Variants in GRM5 observed in about 807,000 individuals in gnomAD.
GRM5 encodes the protein glutamate metabotropic receptor 5.
In GRM5, 19 loss-of-function variants were observed where a neutral mutation model predicts 83.1. The ratio of observed to expected loss-of-function variants is 0.23; its 90% CI spans 0.16 to 0.34. The LOEUF (loss-of-function observed/expected upper bound fraction) is 0.34, where lower values mean the gene tolerates loss of function less well. Among genes scored for constraint, GRM5 ranks in the 10% least tolerant of loss-of-function variants. GRM5 has a pLI of 1.00. For missense variants in GRM5, 1,160 were observed against 1,588.3 expected, an observed-to-expected ratio of 0.73 and a Z score of 4.58; for synonymous variants, 675 against 633.6, an observed-to-expected ratio of 1.07 and a Z score of -0.98.
intron 9 of GRM5, among the ~76,000 whole-genome samples, chr11:88,512,690 A>G (rs2135081442): frequency 6.6e-6 from 1 of 152,350 alleles, no homozygotes; most frequent in East Asian, 1.9e-4. Context: ...AAGCCTCGGT[A>G]AGAAGCAGAC....
rs369281807 is a variant in GRM5 at position 88,547,715 on chromosome 11, G to T, written c.2630+19338C>A. On this transcript the variant is annotated intron_variant, in intron 8 of 9. Coordinates refer to ENST00000305447, the MANE Select transcript of GRM5 (RefSeq NM_001143831.3). ...ATAGTATGAAGAGCACAAGGAGTAG[G>T]CTGGCAGTCATGGGTTCACATCAGC... Among the ~76,000 whole-genome samples, 27 of 152,214 alleles carry T rather than the reference G, an allele frequency of 1.8e-4. No homozygotes were observed. In the East Asian group the frequency reaches 3.7e-3, roughly 21 times the overall value.
chr11:88,775,896 C>G (rs1012235347), intron 3 of GRM5, among the ~76,000 whole-genome samples: 1 of 106,182 alleles, frequency 9.4e-6, no homozygotes, highest in Non-Finnish European at 2.9e-5. Flanking sequence ...CAATGTGTTG[C>G]TGAGAAGACT....
intron 2 of GRM5, among the ~76,000 whole-genome samples, chr11:88,990,490 G>A (rs943099246): frequency 6.6e-6 from 1 of 151,438 alleles, no homozygotes; most frequent in African/African-American, 2.4e-5. Flanking sequence ...GAAAAAGAGG[G>A]AATCCTCCCT....
intron 2 of GRM5, among the ~76,000 whole-genome samples, chr11:88,980,509 G>C (rs1324471999): frequency 6.6e-6 from 1 of 152,064 alleles, no homozygotes; most frequent in Non-Finnish European, 1.5e-5. Flanking sequence ...ATTTTTTCTA[G>C]TAGTTTTTCC....
At chr11:88,524,464 C>T (rs988202757) in intron 9 of GRM5, among the ~76,000 whole-genome samples, 4 of 152,126 alleles carry the variant, frequency 2.6e-5, no homozygotes, top group Non-Finnish European at 2.9e-5. Context: ...CTGATCCACC[C>T]GCCTTGGCCT....
chr11:88,868,279 C>T (rs1944705120), intron 2 of GRM5, among the ~76,000 whole-genome samples: 1 of 151,818 alleles, frequency 6.6e-6, no homozygotes, highest in South Asian at 2.1e-4. Context: ...GAAATTTGAA[C>T]TTCACTTGAA....
intron 8 of GRM5, among the ~76,000 whole-genome samples, chr11:88,533,978 C>G (rs1942076778): frequency 6.6e-6 from 1 of 152,136 alleles, no homozygotes. Context: ...ATGCAAGCCC[C>G]AGGTCTTGGC....
At chr11:88,784,757 TC>T (rs1348328067) in intron 3 of GRM5, among the ~76,000 whole-genome samples, 2 of 152,034 alleles carry the variant, frequency 1.3e-5, no homozygotes, top group African/African-American at 4.8e-5. Flanking sequence ...ATTTCATTTC[TC>T]CCTATAGAAT....
rs557723171 is a variant in GRM5, at chr11:88,507,252, G to A, written c.*1340C>T. 6.6e-6 allele frequency: 1 copy of A among 152,094 alleles called. No homozygotes were observed. The highest frequency in any genetic ancestry group is 1.5e-5 in the Non-Finnish European group (1 of 68,018). The allele number at this position is 152,094 out of a possible 1,614,324, so 9.4% of individuals were successfully genotyped here. On this transcript the variant is annotated 3_prime_UTR_variant, in exon 10 of 10. Coordinates refer to ENST00000305447, the MANE Select transcript of GRM5 (RefSeq NM_001143831.3). ...TAAAAAAGAAAATAAGAATTGCTTT[G>A]CCTCTTTTTGGAATGGCTAAGAAAG...
At chr11:88,709,267 G>A (rs1002092205) in intron 3 of GRM5, among the ~76,000 whole-genome samples, 2 of 151,974 alleles carry the variant, frequency 1.3e-5, no homozygotes, top group Non-Finnish European at 2.9e-5. Flanking sequence ...CATGTTCAGG[G>A]CCCATGAAGC....
chr11:88,627,360 C>T (rs538540093), intron 4 of GRM5, among the ~76,000 whole-genome samples: 3 of 65,258 alleles, frequency 4.6e-5, no homozygotes, highest in Admixed American at 4.0e-4. Context: ...TGAGTTTACC[C>T]TATAATTTCT....
chr11:88,753,488 T>C (rs927926699), intron 3 of GRM5, among the ~76,000 whole-genome samples: 1 of 152,070 alleles, frequency 6.6e-6, no homozygotes, highest in Admixed American at 6.6e-5. Context: ...TGTACATTAG[T>C]TCAACCATTG....
At chr11:88,946,239 G>T (rs891653137) in intron 2 of GRM5, among the ~76,000 whole-genome samples, 1 of 152,048 alleles carries the variant, frequency 6.6e-6, no homozygotes, top group African/African-American at 2.4e-5. Context: ...AGCAAAAGAT[G>T]CTGGCAAGGA....
chr11:88,589,059 G>A (rs1415622364), intron 7 of GRM5, among the ~76,000 whole-genome samples: 1 of 152,092 alleles, frequency 6.6e-6, no homozygotes, highest in Admixed American at 6.6e-5. Flanking sequence ...TCATTCACAA[G>A]GTGCTTAGCC....
chr11:89,009,466 T>C lies in GRM5; in HGVS notation c.661+37746A>G, dbSNP rs148724110. Reference sequence around the variant, plus strand: ...GAGGAATTTACCCAAGATTATCAAGTTAACAGATGAGAAAACTAGGACTCA... The same window carrying C: ...GAGGAATTTACCCAAGATTATCAAGCTAACAGATGAGAAAACTAGGACTCA... On this transcript the variant is annotated intron_variant, in intron 2 of 9. Coordinates refer to ENST00000305447, the MANE Select transcript of GRM5 (RefSeq NM_001143831.3). 5.7e-3 allele frequency among the ~76,000 whole-genome samples: 871 copies of C among 152,252 alleles called. 12 individuals are homozygous for C. The highest frequency in any genetic ancestry group is 0.019 in the African/African-American group (772 of 41,554).
At chr11:88,992,377 G>C (rs1940009095) in intron 2 of GRM5, among the ~76,000 whole-genome samples, 1 of 151,912 alleles carries the variant, frequency 6.6e-6, no homozygotes. Context: ...GCAGGTGCTG[G>C]AGAGGATGTG....
intron 2 of GRM5, among the ~76,000 whole-genome samples, chr11:89,029,388 A>C (rs1434867273): frequency 6.6e-6 from 1 of 152,218 alleles, no homozygotes; most frequent in Non-Finnish European, 1.5e-5. Context: ...AAGTCAGATA[A>C]ATTAACTCAA....
intron 2 of GRM5, among the ~76,000 whole-genome samples, chr11:88,888,024 C>A (rs1945075310): frequency 8.5e-5 from 13 of 152,112 alleles, no homozygotes; most frequent in Admixed American, 7.9e-4. Flanking sequence ...TCCAACCATG[C>A]CACCAGTTCT....
intron 3 of GRM5, among the ~76,000 whole-genome samples, chr11:88,733,580 A>G (rs1193086186): frequency 2.0e-5 from 3 of 152,022 alleles, no homozygotes; most frequent in African/African-American, 7.2e-5. Flanking sequence ...CTGTTTTCAG[A>G]AATTGCAAGC....
Sources: gnomAD v4.1 joint callset for allele counts (sites outside exome capture counted in the v4.1 genomes callset) on GRCh38, gnomAD v4.1.1 for gene constraint, MANE v1.5 for transcripts, NCBI Gene and HGNC (gene_info 2026-07-23, HGNC 2026-07-21) for gene names.